Variants in LAMB1 observed in about 807,000 individuals in gnomAD.
LAMB1 encodes the protein laminin subunit beta-1.
In LAMB1, 121 loss-of-function variants were observed where a neutral mutation model predicts 222.3. That is an observed-to-expected ratio of 0.54 (90% CI 0.47 to 0.63). The LOEUF (loss-of-function observed/expected upper bound fraction) is 0.63. Ranked by LOEUF, LAMB1 falls within the 30% of genes least tolerant of loss-of-function variation. LAMB1 has a pLI of 0.00. For synonymous variants in LAMB1, 794 were observed against 807.2 expected (o/e 0.98, Z 0.28); for missense variants, 2,172 against 2,240.8 (o/e 0.97, Z 0.62).
chr7:107,932,012 C>CT lies in LAMB1; in HGVS notation c.4392+161dup, dbSNP rs377176589. On this transcript the variant is annotated intron_variant, in intron 28 of 33. Coordinates refer to ENST00000222399, the MANE Select transcript of LAMB1 (RefSeq NM_002291.3). ...TTATCTGTGAAGAAAATCTCCCCAT[C>CT]TCTTTCTCTGACCTCACAGAAACAT... Among the ~76,000 whole-genome samples, 723 of 152,362 alleles carry CT rather than the reference C, an allele frequency of 4.7e-3. 7 individuals carry two copies. Among genetic ancestry groups the CT allele is most frequent in the African/African-American group, 0.016 (679 of 41,582 alleles).
rs772617267 is a variant in LAMB1 at position 107,940,055 on chromosome 7, T to C, written c.3695A>G (p.Asp1232Gly). ...TGCTGCGGGGCTCTGCGCCAGGATG[T>C]CTTTTATCTCGCTGACTTTCCTCTC... ...SVERKVSEIK[D>G]ILAQSPAAEP... The change falls in exon 25 of 34, where the codon GAC (aspartate) becomes GGC (glycine). Residue 1232 changes from aspartate to glycine, a missense_variant. Transcript: ENST00000222399. 3.2e-5 allele frequency: 51 copies of C among 1,614,052 alleles called. No individual in the cohort carries two copies. In the Middle Eastern group the frequency reaches 4.9e-4, roughly 16 times the overall value.
intron 27 of LAMB1, among the ~76,000 whole-genome samples, chr7:107,934,984 T>A (rs1169948600): frequency 7.1e-6 from 1 of 141,348 alleles, no homozygotes; most frequent in Non-Finnish European, 1.5e-5. Flanking sequence ...GAGGCTGAGG[T>A]GAGAGGAGGA....
chr7:107,977,595 C>T (rs948340909), intron 9 of LAMB1, among the ~76,000 whole-genome samples: 8 of 152,032 alleles, frequency 5.3e-5, no homozygotes, highest in African/African-American at 1.9e-4. Context: ...CAAGACCAGC[C>T]TGACTAACAC....
At chr7:107,950,221 C>A (rs1280062871) in intron 24 of LAMB1, among the ~76,000 whole-genome samples, 1 of 150,968 alleles carries the variant, frequency 6.6e-6, no homozygotes. Context: ...CAGAGCGAGA[C>A]TCCGTCTCAA....
At chr7:107,990,712 TC>T (rs2034166174) in intron 5 of LAMB1, among the ~76,000 whole-genome samples, 1 of 152,238 alleles carries the variant, frequency 6.6e-6, no homozygotes, top group Admixed American at 6.5e-5. Flanking sequence ...TTTTAAAGTA[TC>T]CAAATGACTG....
At chr7:107,982,428 T>C (rs565634349) in intron 7 of LAMB1, among the ~76,000 whole-genome samples, 1 of 152,338 alleles carries the variant, frequency 6.6e-6, no homozygotes, top group African/African-American at 2.4e-5. Flanking sequence ...AATGAAGCTA[T>C]AGAAATGGCT....
At chr7:108,003,006 T>A in intron 1 of LAMB1, 35 bp from the exon 2 acceptor site, 1 of 1,547,820 alleles carries the variant, frequency 6.5e-7, no homozygotes, top group Middle Eastern at 1.9e-4. Context: ...AAAAGGCAAA[T>A]GTTCAAAGAG....
intron 7 of LAMB1, among the ~76,000 whole-genome samples, chr7:107,982,038 A>C (rs376847415): frequency 2.1e-4 from 32 of 152,314 alleles, no homozygotes; most frequent in African/African-American, 7.7e-4. Context: ...GATGTGGGGC[A>C]AATTATTTTT....
In LAMB1 at chr7:107,968,952, C is replaced by T. The variant is rs1216614510; in HGVS notation, c.1562+4040G>A. Among the ~76,000 whole-genome samples, 3 of 152,058 alleles carry T rather than the reference C, an allele frequency of 2.0e-5. No individual in the cohort carries two copies. The East Asian group carries it at 5.8e-4, about 29-fold the overall frequency. ...CAGCAATAGAAAACTGATACAGGCTCTATGTTTTCTCAGTGGGTGAAGGCC... is the reference window on the plus strand; with the variant it reads ...CAGCAATAGAAAACTGATACAGGCTTTATGTTTTCTCAGTGGGTGAAGGCC... On this transcript the variant is annotated intron_variant, in intron 13 of 33. Coordinates refer to ENST00000222399, the MANE Select transcript of LAMB1 (RefSeq NM_002291.3).
intron 5 of LAMB1, among the ~76,000 whole-genome samples, chr7:107,987,002 T>A (rs1209554343): frequency 6.6e-6 from 1 of 152,210 alleles, no homozygotes; most frequent in Non-Finnish European, 1.5e-5. Context: ...TGTACATGAA[T>A]GTTCACCACA....
At chr7:107,964,410 G>A (rs1273648424) in intron 14 of LAMB1, 142 bp downstream of exon 14, 2 of 958,786 alleles carry the variant, frequency 2.1e-6, no homozygotes, top group East Asian at 5.0e-5. Flanking sequence ...CTCTTCTCAG[G>A]AAGGCATGGT....
At chr7:107,926,592 A>G (rs1490591974) in intron 31 of LAMB1, among the ~76,000 whole-genome samples, 1 of 152,136 alleles carries the variant, frequency 6.6e-6, no homozygotes, top group African/African-American at 2.4e-5. Flanking sequence ...CTAAGCTGAG[A>G]TTGATGTAAA....
intron 24 of LAMB1, among the ~76,000 whole-genome samples, chr7:107,943,916 T>C (rs1394069284): frequency 6.6e-6 from 1 of 152,176 alleles, no homozygotes; most frequent in African/African-American, 2.4e-5. Context: ...TTCAGCAATG[T>C]AGGCTGATGC....
In LAMB1 at chr7:107,931,372, G is replaced by T. The variant is rs760019513; in HGVS notation, c.4521C>A (p.Ile1507=). Residue 1507 remains isoleucine (I), a synonymous_variant, in exon 29 of 34, where the codon ATC becomes ATA. Coordinates refer to ENST00000222399, the MANE Select transcript of LAMB1 (RefSeq NM_002291.3). ...ATTTCTTACGGGTCAAAAAGTTTCT[G>T]ATTTGCTTGATTAGATTTCTCAGCT... ...NEELRNLIKQ[I]RNFLTQDSAD... 2 of 1,612,968 alleles carry T rather than the reference G, an allele frequency of 1.2e-6. No individual in the cohort carries two copies. The highest frequency in any genetic ancestry group is 2.2e-5 in the East Asian group (1 of 44,826).
At position 107,962,985 on chromosome 7, in the gene LAMB1, C is replaced by G. The variant is rs1185974366; in HGVS notation, c.1777G>C (p.Glu593Gln). 1 of 1,614,096 alleles carries G rather than the reference C, an allele frequency of 6.2e-7. No homozygotes were observed. The highest frequency in any genetic ancestry group is 8.5e-7 in the Non-Finnish European group (1 of 1,179,968). Reference sequence around the variant, plus strand: ...ATGAAAAACTCCAAATAAGCCCCTTCAGGCACTCGGACGAAGCCGGCTCCA... The same window carrying G: ...ATGAAAAACTCCAAATAAGCCCCTTGAGGCACTCGGACGAAGCCGGCTCCA... ...WTGAGFVRVPEGAYLEFFIDN... is the reference protein window; with the variant it reads ...WTGAGFVRVPQGAYLEFFIDN... Residue 593 changes from glutamate to glutamine, a missense_variant, in exon 15 of 34, where the codon GAA becomes CAA. Transcript: ENST00000222399.
At position 107,924,103 on chromosome 7, in the gene LAMB1, T is replaced by TAC. The variant is rs766530448; in HGVS notation, c.5225-17_5225-16insGT. ...CTTTCTAAATCTGTGGGGAGATATA[T>TAC]ATATATAAAGTCTGAGCAATTTATA... On this transcript the variant is annotated splice_polypyrimidine_tract_variant and intron_variant, in intron 33 of 33. Coordinates refer to ENST00000222399, the MANE Select transcript of LAMB1 (RefSeq NM_002291.3). The TAC allele has an allele frequency of 1.3e-6, 2 of 1,532,080 alleles. No homozygotes were observed. The highest frequency in any genetic ancestry group is 2.8e-5 in the African/African-American group (2 of 71,188). 94.9% of individuals were successfully genotyped at this position (1,532,080 alleles called of 1,614,324 possible). A position where few individuals can be genotyped will look rare whatever the true frequency, so the allele number is the denominator to read the frequency against.
At position 107,986,230 on chromosome 7, in the gene LAMB1, T is replaced by C. The variant is rs750744700; in HGVS notation, c.557A>G (p.Asp186Gly). The C allele has an allele frequency of 1.9e-6, 3 of 1,614,204 alleles. No individual in the cohort carries two copies. The Admixed American group carries it at 5.0e-5, about 27-fold the overall frequency. Residue 186 changes from aspartate to glycine, a missense_variant, in exon 6 of 34, where the codon GAT becomes GGT. Coordinates refer to ENST00000222399, the MANE Select transcript of LAMB1 (RefSeq NM_002291.3). ...GISTGPMKKV[D>G]DIICDSRYSD... Reference sequence around the variant, plus strand: ...ATATCGAGAATCACAAATTATGTCATCGACTTTTTTCATGGGGCCAGTTGA... The same window carrying C: ...ATATCGAGAATCACAAATTATGTCACCGACTTTTTTCATGGGGCCAGTTGA...
In LAMB1 at chr7:107,953,766, TAAAAC is replaced by T. The variant is rs1562986751; in HGVS notation, c.2855-17_2855-13del. On this transcript the variant is annotated splice_polypyrimidine_tract_variant and intron_variant, in intron 21 of 33. Coordinates refer to ENST00000222399, the MANE Select transcript of LAMB1 (RefSeq NM_002291.3). ...GTCACATCTGGAACCTGTCACCCGA[TAAAAC>T]CAAACACAAGATGTTTAGCTTATTG... 2.5e-6 allele frequency: 4 copies of T among 1,611,918 alleles called. No individual in the cohort carries two copies. The highest frequency in any genetic ancestry group is 3.4e-6 in the Non-Finnish European group (4 of 1,177,990).
Position 107,975,380 on chromosome 7 carries a change from T to G in LAMB1, c.1223A>C (p.Glu408Ala), listed in dbSNP as rs1377380508. Residue 408 changes from glutamate (E) to alanine (A), a missense_variant, in exon 11 of 34, where the codon GAG (glutamate) becomes GCG (alanine). Transcript: ENST00000222399. The stretch of plus-strand genomic sequence containing the variant: ...ATCAGTATAGCTGTCACAAATTCCC[T>G]CATTTTGAGAGCCAGCTGGGTCACA... ...CTCDPAGSQN[E>A]GICDSYTDFS... 4 of 1,613,192 alleles carry G rather than the reference T, an allele frequency of 2.5e-6. No individual in the cohort carries two copies. In the African/African-American group the frequency reaches 5.3e-5, roughly 22 times the overall value.
Sources: gnomAD v4.1 joint callset for allele counts (sites outside exome capture counted in the v4.1 genomes callset) on GRCh38, gnomAD v4.1.1 for gene constraint, MANE v1.5 for transcripts, NCBI Gene and HGNC (gene_info 2026-07-23, HGNC 2026-07-21) for gene names.